IGSF10: variants seen among roughly 807,000 people sequenced by gnomAD.
IGSF10 encodes calvaria mechanical force protein 608.
A neutral mutation model predicts 128.2 loss-of-function variants in IGSF10; 126 were observed. The ratio of observed to expected loss-of-function variants is 0.98; its 90% CI spans 0.85 to 1.14. IGSF10 has a LOEUF of 1.14. IGSF10 is among the 50% of genes most tolerant of loss of function. The pLI is 0.00. For synonymous variants in IGSF10, 1,185 were observed against 1,146.2 expected (o/e 1.03, Z -0.68); for missense variants, 3,295 against 3,149.8 (o/e 1.05, Z -1.10).
intron 7 of IGSF10, among the ~76,000 whole-genome samples, chr3:151,439,741 C>T (rs764581776): frequency 6.6e-6 from 1 of 152,222 alleles, no homozygotes; most frequent in African/African-American, 2.4e-5. Flanking sequence ...GTGTGGAATA[C>T]CATTTTTCTC....
At chr3:151,594,331 CTTTTTTT>C in the IGSF10 span, among the ~76,000 whole-genome samples, 778 of 121,466 alleles carry the variant, frequency 6.4e-3, 5 homozygotes, top group African/African-American at 0.023. Flanking sequence ...ATAAAAACTG[CTTTTTTT>C]TTTTTTTTTT....
the IGSF10 span, among the ~76,000 whole-genome samples, chr3:151,580,195 A>C: frequency 5.1e-3 from 782 of 152,240 alleles, 7 homozygotes; most frequent in African/African-American, 0.018. Flanking sequence ...AATTGAAAAA[A>C]ATTAGCCAGA....
At chr3:151,606,018 T>C in the IGSF10 span, among the ~76,000 whole-genome samples, 2 of 152,186 alleles carry the variant, frequency 1.3e-5, no homozygotes, top group African/African-American at 4.8e-5. Flanking sequence ...AGACCACTAT[T>C]GGGAATCACT....
At chr3:151,432,623 A>G (rs1719661844), downstream of IGSF10, 4 of 682,760 alleles carry the variant, frequency 5.9e-6, no homozygotes, top group Admixed American at 7.1e-5. Flanking sequence ...CAGGGCAAGG[A>G]TAGTACTCTC....
In IGSF10 at chr3:151,436,915, T is replaced by C. The variant is rs1335243575; in HGVS notation, c.7646A>G (p.His2549Arg). ...CTTGGGAACTCCCAAGGCCACACAG[T>C]GGAGCTGAAAGGCTGCCCCTGTCCT... ...VTRTGAAFQL[H>R]CVALGVPKPE... Residue 2549 changes from histidine (H) to arginine (R), a missense_variant, in exon 8 of 8, where the codon CAC becomes CGC. Transcript: ENST00000282466. The C allele has an allele frequency of 6.2e-7, 1 of 1,614,028 alleles. No individual in the cohort carries two copies. Among genetic ancestry groups the C allele is most frequent in the Non-Finnish European group, 8.5e-7 (1 of 1,179,994 alleles).
the IGSF10 span, among the ~76,000 whole-genome samples, chr3:151,591,501 G>T: frequency 6.8e-6 from 1 of 147,750 alleles, no homozygotes; most frequent in South Asian, 2.1e-4. Context: ...TCTTTAACTA[G>T]TACTTATTAC....
At chr3:151,586,072 C>G in the IGSF10 span, among the ~76,000 whole-genome samples, 1 of 151,716 alleles carries the variant, frequency 6.6e-6, no homozygotes, top group African/African-American at 2.4e-5. Context: ...CTCCACCTCC[C>G]GAGCTCAAGC....
At chr3:151,543,474 T>TG in the IGSF10 span, among the ~76,000 whole-genome samples, 1 of 152,158 alleles carries the variant, frequency 6.6e-6, no homozygotes, top group South Asian at 2.1e-4. Flanking sequence ...TTTCTCTCTC[T>TG]GGGCAAGAGC....
chr3:151,517,245 G>A, the IGSF10 span, among the ~76,000 whole-genome samples: 7 of 151,982 alleles, frequency 4.6e-5, no homozygotes, highest in Non-Finnish European at 8.8e-5. Context: ...AGCCCTTCTT[G>A]TTGACCATGG....
At chr3:151,515,599 C>T in the IGSF10 span, among the ~76,000 whole-genome samples, 1,346 of 151,412 alleles carry the variant, frequency 8.9e-3, 20 homozygotes, top group African/African-American at 0.029. Context: ...TGTACATGTA[C>T]CCTAAAACTT....
chr3:151,447,159 T>A lies in IGSF10; in HGVS notation c.2822A>T (p.Asn941Ile). ...VNVKMLSSTT[N>I]KLLLESVNTT... Reference sequence around the variant, plus strand: ...ATTTACTGACTCTAATAATAGTTTGTTGGTGGTGCTACTAAGCATTTTGAC... The same window carrying A: ...ATTTACTGACTCTAATAATAGTTTGATGGTGGTGCTACTAAGCATTTTGAC... The change falls in exon 6 of 8, where the codon AAC becomes ATC. Residue 941 changes from asparagine (N) to isoleucine (I), a missense_variant. Coordinates refer to ENST00000282466, the MANE Select transcript of IGSF10 (RefSeq NM_178822.5). The A allele has an allele frequency of 1.2e-6, 2 of 1,614,184 alleles. No individual in the cohort carries two copies. Among genetic ancestry groups the A allele is most frequent in the Non-Finnish European group, 8.5e-7 (1 of 1,180,010 alleles).
At chr3:151,474,962 T>A in the IGSF10 span, among the ~76,000 whole-genome samples, 5 of 152,150 alleles carry the variant, frequency 3.3e-5, no homozygotes, top group African/African-American at 4.8e-5. Context: ...CCACAATATG[T>A]GGGATTTCAA....
the IGSF10 span, among the ~76,000 whole-genome samples, chr3:151,588,127 G>A: frequency 1.3e-5 from 2 of 152,174 alleles, no homozygotes; most frequent in Non-Finnish European, 2.9e-5. Flanking sequence ...CTAAAGATTA[G>A]GATTTGGGGC....
chr3:151,612,334 T>A, the IGSF10 span, among the ~76,000 whole-genome samples: 2 of 152,182 alleles, frequency 1.3e-5, no homozygotes, highest in Non-Finnish European at 2.9e-5. Context: ...CATAGTACAA[T>A]CCTAGGCTGT....
chr3:151,453,592 G>A lies in IGSF10; in HGVS notation c.507C>T (p.His169=), dbSNP rs1721623389. The stretch of plus-strand genomic sequence containing the variant: ...AGCTCAAAGAGACAAATGTATCTGG[G>A]TGGAGCTTAGTGAGCTGATTTCCTT... ...HLEGNQLTKL[H]PDTFVSLSYL... is the part of the protein sequence containing the mutation. Residue 169 remains histidine, a synonymous_variant, in exon 5 of 8, where the codon CAC becomes CAT. Coordinates refer to ENST00000282466, the MANE Select transcript of IGSF10 (RefSeq NM_178822.5). 1 of 1,613,810 alleles carries A rather than the reference G, an allele frequency of 6.2e-7. No individual in the cohort carries two copies. Among genetic ancestry groups the A allele is most frequent in the Non-Finnish European group, 8.5e-7 (1 of 1,179,830 alleles).
the IGSF10 span, among the ~76,000 whole-genome samples, chr3:151,613,228 C>T: frequency 1.3e-5 from 2 of 152,092 alleles, no homozygotes; most frequent in Admixed American, 6.5e-5. Flanking sequence ...GAATCAATAT[C>T]GTGAAAATGG....
the IGSF10 span, among the ~76,000 whole-genome samples, chr3:151,607,012 T>C: frequency 6.6e-6 from 1 of 152,234 alleles, no homozygotes; most frequent in Non-Finnish European, 1.5e-5. Flanking sequence ...ACTAGTTTAC[T>C]GGACCTCAGG....
chr3:151,577,736 A>G, the IGSF10 span, among the ~76,000 whole-genome samples: 1 of 152,080 alleles, frequency 6.6e-6, no homozygotes, highest in South Asian at 2.1e-4. Context: ...AACTATAGAT[A>G]TAGTAACTTT....
In IGSF10 at chr3:151,443,778, A is replaced by C; in HGVS notation, c.5169T>G (p.Cys1723Trp). 2.5e-6 allele frequency: 4 copies of C among 1,614,164 alleles called. No homozygotes were observed. Among genetic ancestry groups the C allele is most frequent in the Non-Finnish European group, 3.4e-6 (4 of 1,180,020 alleles). Residue 1723 changes from cysteine to tryptophan, a missense_variant, in exon 7 of 8, where the codon TGT becomes TGG. By Grantham distance (215) the Cys-to-Trp change is radical. Coordinates refer to ENST00000282466, the MANE Select transcript of IGSF10 (RefSeq NM_178822.5). Reference protein sequence around the residue: ...VEIQDRGQYLCSASNLFGTDH... With the variant: ...VEIQDRGQYLWSASNLFGTDH... ...CTGTGCCAAACAGATTGGATGCGGAACACAAGTACTGTCCGCGGTCCTGAA... is the reference window on the plus strand; with the variant it reads ...CTGTGCCAAACAGATTGGATGCGGACCACAAGTACTGTCCGCGGTCCTGAA...
Sources: allele counts gnomAD v4.1 joint callset (sites outside exome capture counted in the v4.1 genomes callset), GRCh38; gene constraint gnomAD v4.1.1; transcripts MANE v1.5; gene names NCBI Gene and HGNC (gene_info 2026-07-23, HGNC 2026-07-21).